The following FAM53B variants were observed in gnomAD, a reference collection of about 807,000 sequenced individuals.
FAM53B encodes the protein protein FAM53B.
FAM53B carries 12 observed loss-of-function variants against 32.7 expected under a neutral mutation model. The observed-to-expected ratio is 0.37, with a 90% confidence interval of 0.24 to 0.59. The LOEUF (loss-of-function observed/expected upper bound fraction) is 0.59, where lower values mean the gene tolerates loss of function less well. Among genes scored for constraint, FAM53B ranks in the 20% least tolerant of loss-of-function variants. FAM53B has a pLI of 0.72. For missense variants in FAM53B, 477 were observed against 577.7 expected, an observed-to-expected ratio of 0.83 and a Z score of 1.79; for synonymous variants, 234 against 228.7, an observed-to-expected ratio of 1.02 and a Z score of -0.21.
At chr10:124,734,074 C>T (rs989781940) in intron 1 of FAM53B, among the ~76,000 whole-genome samples, 1 of 152,244 alleles carries the variant, frequency 6.6e-6, no homozygotes, top group Non-Finnish European at 1.5e-5. Flanking sequence ...GCCTTCCCTG[C>T]CCTCCTCTCT....
chr10:124,740,340 T>C (rs567614340), intron 1 of FAM53B, among the ~76,000 whole-genome samples: 24 of 152,352 alleles, frequency 1.6e-4, no homozygotes, highest in Middle Eastern at 3.4e-3. Context: ...ACAAAGTTGT[T>C]TGGCAAAGAA....
intron 3 of FAM53B, among the ~76,000 whole-genome samples, chr10:124,688,017 G>A (rs1219483591): frequency 6.6e-6 from 1 of 152,228 alleles, no homozygotes; most frequent in Admixed American, 6.5e-5. Flanking sequence ...GTATGGAGAA[G>A]GATCACTTCA....
intron 4 of FAM53B, among the ~76,000 whole-genome samples, chr10:124,628,998 G>A (rs566333783): frequency 6.6e-6 from 1 of 152,260 alleles, no homozygotes; most frequent in Non-Finnish European, 1.5e-5. Context: ...CCCGGCTCAG[G>A]CCCCGCTTCT....
intron 4 of FAM53B, among the ~76,000 whole-genome samples, chr10:124,624,897 C>G (rs950200891): frequency 6.6e-6 from 1 of 152,152 alleles, no homozygotes; most frequent in African/African-American, 2.4e-5. Context: ...ACTGCAGCAA[C>G]GAGGTCGAAT....
intron 1 of FAM53B, among the ~76,000 whole-genome samples, chr10:124,741,154 C>T (rs1443205189): frequency 6.6e-6 from 1 of 152,192 alleles, no homozygotes; most frequent in Non-Finnish European, 1.5e-5. Flanking sequence ...AAAACCGAAA[C>T]TTGTATTATC....
chr10:124,691,336 G>C (rs1339241771), intron 3 of FAM53B, among the ~76,000 whole-genome samples: 1 of 152,072 alleles, frequency 6.6e-6, no homozygotes, highest in African/African-American at 2.4e-5. Context: ...GCACAAGGAG[G>C]GCTGCTATAA....
chr10:124,702,547 C>T (rs1183737699), intron 2 of FAM53B, among the ~76,000 whole-genome samples: 1 of 152,220 alleles, frequency 6.6e-6, no homozygotes, highest in African/African-American at 2.4e-5. Context: ...GAACAGGGCC[C>T]ATGCGAGAAG....
intron 4 of FAM53B, among the ~76,000 whole-genome samples, chr10:124,653,268 C>T (rs1949567127): frequency 6.6e-6 from 1 of 152,234 alleles, no homozygotes; most frequent in Non-Finnish European, 1.5e-5. Context: ...TCAAGGCCAG[C>T]CAGGAGGTAA....
intron 4 of FAM53B, among the ~76,000 whole-genome samples, chr10:124,664,928 T>C (rs1455835142): frequency 6.6e-6 from 1 of 152,248 alleles, no homozygotes; most frequent in Non-Finnish European, 1.5e-5. Flanking sequence ...TCTCGGCTCC[T>C]GATTTCTGAC....
intron 3 of FAM53B, among the ~76,000 whole-genome samples, chr10:124,689,272 G>A (rs12414017): frequency 2.7e-4 from 41 of 152,234 alleles, no homozygotes; most frequent in South Asian, 6.2e-4. Context: ...ACATGGGGGT[G>A]GGGGGGACAC....
At chr10:124,637,000 C>A (rs947234704) in intron 4 of FAM53B, among the ~76,000 whole-genome samples, 6 of 152,166 alleles carry the variant, frequency 3.9e-5, no homozygotes, top group Non-Finnish European at 7.4e-5. Context: ...AAGGAGAAGG[C>A]AGGCAAGCGC....
intron 4 of FAM53B, among the ~76,000 whole-genome samples, chr10:124,641,601 C>G (rs1368669076): frequency 6.6e-6 from 1 of 152,214 alleles, no homozygotes; most frequent in Non-Finnish European, 1.5e-5. Flanking sequence ...CCGAGAGTCA[C>G]GGGGAACTCA....
intron 1 of FAM53B, among the ~76,000 whole-genome samples, chr10:124,729,864 G>A (rs1020058778): frequency 7.9e-5 from 12 of 151,632 alleles, no homozygotes; most frequent in South Asian, 4.2e-4. Flanking sequence ...GGAGATCTAC[G>A]CCCTCCATAT....
chr10:124,731,195 C>T (rs1024329619), intron 1 of FAM53B, among the ~76,000 whole-genome samples: 2 of 152,192 alleles, frequency 1.3e-5, no homozygotes, highest in Non-Finnish European at 2.9e-5. Flanking sequence ...GAATTAACGG[C>T]GAAGCCTAAC....
chr10:124,640,224 T>A (rs920573337), intron 4 of FAM53B, among the ~76,000 whole-genome samples: 4 of 152,242 alleles, frequency 2.6e-5, no homozygotes, highest in African/African-American at 9.6e-5. Flanking sequence ...GTGCACCCCG[T>A]GGGCTTGTCT....
intron 4 of FAM53B, among the ~76,000 whole-genome samples, chr10:124,633,922 T>A (rs1001743075): frequency 1.3e-5 from 2 of 152,118 alleles, no homozygotes; most frequent in Non-Finnish European, 2.9e-5. Context: ...AGTAATAAAT[T>A]TGATAAAAAC....
chr10:124,637,098 T>A (rs764429304), intron 4 of FAM53B, among the ~76,000 whole-genome samples: 42 of 152,152 alleles, frequency 2.8e-4, no homozygotes, highest in Non-Finnish European at 5.6e-4. Context: ...CTCCAGAGGC[T>A]GCCCTTTCTG....
At position 124,702,358 on chromosome 10, in the gene FAM53B, G is replaced by A. The variant is rs116189217; in HGVS notation, c.78+4278C>T. Among the ~76,000 whole-genome samples the A allele has an allele frequency of 2.3e-3, 352 of 152,344 alleles. 2 individuals carry two copies. Among genetic ancestry groups the A allele is most frequent in the African/African-American group, 8.2e-3 (340 of 41,574 alleles). On this transcript the variant is annotated intron_variant, in intron 2 of 4. Transcript: ENST00000337318. ...GTTTAGGAAGCTAAAGCAAAACCCCGTCAACTTCCTCTGAACCTTTGCTGG... is the reference window on the plus strand; with the variant it reads ...GTTTAGGAAGCTAAAGCAAAACCCCATCAACTTCCTCTGAACCTTTGCTGG...
intron 4 of FAM53B, among the ~76,000 whole-genome samples, chr10:124,669,088 G>T (rs76174042): frequency 2.0e-5 from 3 of 152,182 alleles, no homozygotes; most frequent in South Asian, 2.1e-4. Flanking sequence ...AAGCCATTTT[G>T]GGGGGTGTAG....
Sources: allele counts gnomAD v4.1 joint callset (sites outside exome capture counted in the v4.1 genomes callset), GRCh38; gene constraint gnomAD v4.1.1; transcripts MANE v1.5; gene names NCBI Gene and HGNC (gene_info 2026-07-23, HGNC 2026-07-21).